TECTA: variants seen among roughly 807,000 people sequenced by gnomAD.
The protein encoded by TECTA is alpha-tectorin.
Under a neutral mutation model 216.8 loss-of-function variants are expected in TECTA, and 128 were observed. The observed-to-expected ratio is 0.59, with a 90% CI of 0.51 to 0.68. The LOEUF is 0.68. TECTA is among the 30% of genes least tolerant of loss of function. The pLI is 0.00. For missense variants in TECTA, 2,551 were observed against 2,786.2 expected (o/e 0.92, Z 1.90); for synonymous variants, 1,089 against 1,117.1 (o/e 0.97, Z 0.50).
intron 20 of TECTA, among the ~76,000 whole-genome samples, chr11:121,169,667 C>G (rs1947091778): frequency 6.6e-6 from 1 of 152,044 alleles, no homozygotes; most frequent in Non-Finnish European, 1.5e-5. Flanking sequence ...GCAATTATCA[C>G]CATAATCTAA....
At position 121,105,821 on chromosome 11, in the gene TECTA, C is replaced by T. The variant is rs760124084; in HGVS notation, c.65-10C>T. The T allele has an allele frequency of 3.1e-6, 5 of 1,614,130 alleles. No individual in the cohort carries two copies. Among genetic ancestry groups the T allele is most frequent in the Admixed American group, 1.7e-5 (1 of 60,020 alleles). On this transcript the variant is annotated splice_polypyrimidine_tract_variant and intron_variant, in intron 2 of 23. Coordinates refer to ENST00000392793, the MANE Select transcript of TECTA (RefSeq NM_005422.4). This position sits in a 1 kb window ranked among gnomAD's most constrained non-coding sequence, Gnocchi z 5.3. ...GCTGCCATCTATCTAACCATCATCT[C>T]TCTTGACAGCTCAGCCCAGGGAGCT...
At chr11:121,106,018 A>G (rs1034460674) in intron 3 of TECTA, 54 bp downstream of exon 3, 25 of 1,613,762 alleles carry the variant, frequency 1.5e-5, no homozygotes, top group South Asian at 2.2e-5. Flanking sequence ...TTTGTTTGTC[A>G]TTAAGAAAAG....
intron 23 of TECTA, chr11:121,190,135 C>A (rs963349221): frequency 4.6e-5 from 22 of 476,360 alleles, no homozygotes; most frequent in South Asian, 2.9e-4. Context: ...AGTTATCCAG[C>A]CAATTTTAAG....
chr11:121,174,977 G>A (rs973323528), intron 20 of TECTA, among the ~76,000 whole-genome samples: 122 of 152,248 alleles, frequency 8.0e-4, no homozygotes, highest in Admixed American at 2.6e-3. Flanking sequence ...GTTTATTTGC[G>A]TAGAGCTGTT....
rs752571965 is a variant in TECTA at position 121,129,638 on chromosome 11, T to C, written c.2368T>C (p.Leu790=). 35 of 1,614,160 alleles carry C rather than the reference T, an allele frequency of 2.2e-5. No individual in the cohort carries two copies. The highest frequency in any genetic ancestry group is 1.8e-4 in the South Asian group (16 of 91,078). ...IGGIGASEVK[L]NGQEVELPFF... ...TGATAAGAATGACTTGATTTTTCAG[T>C]TGAATGGTCAGGAAGTGGAATTGCC... Residue 790 remains leucine, a splice_region_variant and synonymous_variant, in exon 10 of 24, where the codon TTG becomes CTG. Coordinates refer to ENST00000392793, the MANE Select transcript of TECTA (RefSeq NM_005422.4).
chr11:121,128,590 T>A (rs1946640833), intron 9 of TECTA, among the ~76,000 whole-genome samples: 1 of 152,228 alleles, frequency 6.6e-6, no homozygotes, highest in Non-Finnish European at 1.5e-5. Context: ...AGCAAATACT[T>A]ACAGAACACT....
intron 7 of TECTA, among the ~76,000 whole-genome samples, chr11:121,124,486 G>C (rs1027926505): frequency 6.6e-6 from 1 of 152,140 alleles, no homozygotes; most frequent in Non-Finnish European, 1.5e-5. Context: ...ACCCAGGTTA[G>C]ACTTAACTGC....
chr11:121,154,348 G>A (rs1946921412), intron 13 of TECTA, among the ~76,000 whole-genome samples: 1 of 152,206 alleles, frequency 6.6e-6, no homozygotes. Context: ...AGACAGGGAG[G>A]AAGTAAGGTA....
At chr11:121,174,410 A>C (rs1947143776) in intron 20 of TECTA, among the ~76,000 whole-genome samples, 1 of 152,006 alleles carries the variant, frequency 6.6e-6, no homozygotes, top group Non-Finnish European at 1.5e-5. Context: ...AGGGTTGTTG[A>C]ATTTTGTCAA....
chr11:121,190,577 C>T, intron 23 of TECTA, 129 bp from the exon 24 acceptor site: 1 of 736,436 alleles, frequency 1.4e-6, no homozygotes, highest in South Asian at 1.5e-5. Flanking sequence ...GCCTTAGGGC[C>T]ATTTAGGTAA....
chr11:121,124,933 A>G (rs1195148816), intron 7 of TECTA, among the ~76,000 whole-genome samples: 1 of 152,208 alleles, frequency 6.6e-6, no homozygotes, highest in Admixed American at 6.5e-5. Context: ...GACTTAAAGA[A>G]TGGATATTTA....
intron 12 of TECTA, among the ~76,000 whole-genome samples, chr11:121,146,861 A>G (rs894537082): frequency 6.6e-6 from 1 of 152,252 alleles, no homozygotes; most frequent in African/African-American, 2.4e-5. Context: ...ACGTTTTATC[A>G]ATATACCTCA....
At chr11:121,140,766 C>T (rs765567988) in intron 11 of TECTA, 1 of 152,374 alleles carries the variant, frequency 6.6e-6, no homozygotes, top group African/African-American at 2.4e-5. Flanking sequence ...GCCTCTTTCC[C>T]TCTGTGTCTT....
Position 121,113,853 on chromosome 11 carries a change from C to A in TECTA, c.790+135C>A, listed in dbSNP as rs1322036478. The stretch of plus-strand genomic sequence containing the variant: ...CATCTCTCCGCTGGGTAATGGAGAT[C>A]AAGGTAATTTTAGCATGTGCATTCA... On this transcript the variant is annotated intron_variant, in intron 6 of 23. Transcript: ENST00000392793. This position sits in a 1 kb window ranked among gnomAD's most constrained non-coding sequence, Gnocchi z 4.2. 6 of 1,091,252 alleles carry A rather than the reference C, an allele frequency of 5.5e-6. No homozygotes were observed. The highest frequency in any genetic ancestry group is 6.8e-6 in the Non-Finnish European group (5 of 738,882). The allele number at this position is 1,091,252 out of a possible 1,614,324, so 67.6% of individuals were successfully genotyped here.
rs115052617 is a variant in TECTA, at chr11:121,117,640, C to A, written c.791-666C>A. Among the ~76,000 whole-genome samples, 1,049 of 152,310 alleles carry A rather than the reference C, an allele frequency of 6.9e-3. 16 individuals are homozygous for A. The highest frequency in any genetic ancestry group is 0.023 in the African/African-American group (946 of 41,560). ...GTCCGGTGCATAGACAGAGAGAAGT[C>A]CTGGACTTGGACAGGGCCCTAGAGT... is the stretch of plus-strand genomic sequence containing the variant. On this transcript the variant is annotated intron_variant, in intron 6 of 23. Coordinates refer to ENST00000392793, the MANE Select transcript of TECTA (RefSeq NM_005422.4).
intron 4 of TECTA, chr11:121,109,877 A>G (rs1187568066): frequency 1.2e-5 from 3 of 257,778 alleles, no homozygotes; most frequent in African/African-American, 2.2e-5. Context: ...CTCTTGCCCG[A>G]GGTACAAGTG....
chr11:121,173,181 C>T (rs1453495052), intron 20 of TECTA, among the ~76,000 whole-genome samples: 2 of 152,032 alleles, frequency 1.3e-5, no homozygotes, highest in Non-Finnish European at 2.9e-5. Context: ...TGTGCAGAAG[C>T]TCTTTAGTTT....
Position 121,162,104 on chromosome 11 carries a change from A to G in TECTA, c.5006A>G (p.Gln1669Arg), listed in dbSNP as rs1565534282. 3.1e-6 allele frequency: 5 copies of G among 1,614,178 alleles called. No individual in the cohort carries two copies. The highest frequency in any genetic ancestry group is 4.2e-6 in the Non-Finnish European group (5 of 1,180,044). ...CTTGCCCCCAGCTGCAACGAGCTGC[A>G]GTTCTCACAGTATGCAGCCATGTGT... is the stretch of plus-strand genomic sequence containing the variant. ...RPLAPSCNEL[Q>R]FSQYAAMCDN... The change falls in exon 16 of 24, where the codon CAG becomes CGG. Residue 1669 changes from glutamine to arginine, a missense_variant. This residue lies in a region of TECTA where 2,375 missense variants were observed against 2,563.9 expected (regional missense o/e 0.93). Transcript: ENST00000392793.
In TECTA at chr11:121,154,906, G is replaced by C. The variant is rs145805885; in HGVS notation, c.4305+1826G>C. Among the ~76,000 whole-genome samples the C allele has an allele frequency of 1.4e-3, 208 of 152,328 alleles. 1 individual carries two copies. Among genetic ancestry groups the C allele is most frequent in the African/African-American group, 4.9e-3 (202 of 41,572 alleles). Reference sequence around the variant, plus strand: ...AAAAATCCAGCCGTGTTAATGAAAGGATGCAAAGAAAAGCCCTTGGAACTC... The same window carrying C: ...AAAAATCCAGCCGTGTTAATGAAAGCATGCAAAGAAAAGCCCTTGGAACTC... On this transcript the variant is annotated intron_variant, in intron 13 of 23. Transcript: ENST00000392793.
Sources: allele counts gnomAD v4.1 joint callset (sites outside exome capture counted in the v4.1 genomes callset), GRCh38; gene constraint gnomAD v4.1.1; regional missense constraint gnomAD v4.1.1; non-coding constraint Gnocchi (gnomAD v3.1); transcripts MANE v1.5; gene names NCBI Gene and HGNC (gene_info 2026-07-23, HGNC 2026-07-21).